Variants in FCHSD2 observed in about 807,000 individuals in gnomAD.
FCHSD2 encodes F-BAR and double SH3 domains protein 2.
FCHSD2 carries 38 observed loss-of-function variants against 108.1 expected under a neutral mutation model. The observed-to-expected ratio is 0.35, with a 90% CI of 0.27 to 0.46. FCHSD2 has a LOEUF of 0.46. Ranked by LOEUF, FCHSD2 falls within the 20% of genes least tolerant of loss-of-function variation. The pLI, the probability that FCHSD2 is intolerant of heterozygous loss-of-function variation, is 1.00. For missense variants in FCHSD2, 751 were observed against 897.8 expected (o/e 0.84, Z 2.09); for synonymous variants, 279 against 314.7 (o/e 0.89, Z 1.20).
intron 8 of FCHSD2, among the ~76,000 whole-genome samples, chr11:72,953,628 GA>G (rs5792607): frequency 2.0e-5 from 3 of 148,786 alleles, no homozygotes; most frequent in African/African-American, 7.3e-5. Context: ...CTGCATGGGG[GA>G]AAAAAAAAAC....
chr11:72,971,376 G>A, intron 8 of FCHSD2, among the ~76,000 whole-genome samples: 1 of 151,940 alleles, frequency 6.6e-6, no homozygotes, highest in African/African-American at 2.4e-5. Flanking sequence ...CCTTTCCTTT[G>A]AGTGTCAGTA....
At position 72,841,545 on chromosome 11, in the gene FCHSD2, T is replaced by TGGAGGCAG; in HGVS notation, c.1957_1964dup (p.Leu656CysfsTer117). ...TGGGAGGCTGGTCGTACAACGGCAG[T>TGGAGGCAG]GGAGGCAGGGAGGCGTGTGGCTTGG... On this transcript the variant is annotated frameshift_variant, in exon 18 of 20. Transcript: ENST00000409418. LOFTEE classifies it high-confidence loss of function. The TGGAGGCAG allele has an allele frequency of 1.2e-6, 2 of 1,610,976 alleles. No individual in the cohort carries two copies. The highest frequency in any genetic ancestry group is 1.7e-6 in the Non-Finnish European group (2 of 1,178,828).
At chr11:73,137,878 G>A (rs1353870364) in intron 2 of FCHSD2, among the ~76,000 whole-genome samples, 1 of 152,242 alleles carries the variant, frequency 6.6e-6, no homozygotes, top group Non-Finnish European at 1.5e-5. Flanking sequence ...TTGCAGCTGG[G>A]TTGCAGAGAA....
rs1160377442 is a variant in FCHSD2, at chr11:73,062,899, C to A, written c.165+20796G>T. Among the ~76,000 whole-genome samples, 4 of 152,246 alleles carry A rather than the reference C, an allele frequency of 2.6e-5. No individual in the cohort carries two copies. The East Asian group carries it at 7.7e-4, about 29-fold the overall frequency. On this transcript the variant is annotated intron_variant, in intron 3 of 19. Coordinates refer to ENST00000409418, the MANE Select transcript of FCHSD2 (RefSeq NM_014824.3). ...ATCCAGGAGAACTTCCCCAACCTAG[C>A]AAGACAGGCCAATATTCAAATTCAG...
intron 18 of FCHSD2, 80 bp from the exon 19 acceptor site, chr11:72,841,039 G>A (rs1860913535): frequency 9.3e-7 from 1 of 1,076,474 alleles, no homozygotes; most frequent in East Asian, 2.4e-5. Flanking sequence ...ATGGTGGCTT[G>A]AGCCTGTAAT....
intron 4 of FCHSD2, among the ~76,000 whole-genome samples, chr11:73,009,538 A>AGTTTAT (rs1309060543): frequency 2.0e-5 from 3 of 152,276 alleles, no homozygotes; most frequent in Admixed American, 2.0e-4. Flanking sequence ...ATATTTATAC[A>AGTTTAT]GTTTATGGGG....
rs561802600 is a variant in FCHSD2, at chr11:72,995,173, C to T, written c.387+5817G>A. 9.9e-5 allele frequency among the ~76,000 whole-genome samples: 15 copies of T among 152,198 alleles called. No individual in the cohort carries two copies. In the East Asian group the frequency reaches 2.7e-3, roughly 27 times the overall value. On this transcript the variant is annotated intron_variant, in intron 5 of 19. Coordinates refer to ENST00000409418, the MANE Select transcript of FCHSD2 (RefSeq NM_014824.3). ...GTGTCAGTACTTCATTCCTTTTTAT[C>T]GCCGAATAGTATTTTGTTACATATA...
At chr11:72,940,983 TG>T in intron 8 of FCHSD2, 1 of 749,572 alleles carries the variant, frequency 1.3e-6, no homozygotes, top group Non-Finnish European at 2.4e-6. Flanking sequence ...GGGAGATGTG[TG>T]GGCTGACATC....
rs1365763727 is a variant in FCHSD2, at chr11:72,889,725, A to C, written c.1041+104T>G. On this transcript the variant is annotated intron_variant, in intron 11 of 19. Transcript: ENST00000409418. ...AAGCCTCTTGTCTCAAATAAAACAA[A>C]ACAACACATATAGGATATTTTTCAC... is the stretch of plus-strand genomic sequence containing the variant. 6 of 685,604 alleles carry C rather than the reference A, an allele frequency of 8.8e-6. No homozygotes were observed. In the Admixed American group the frequency reaches 1.5e-4, roughly 18 times the overall value. The allele number at this position is 685,604 out of a possible 1,614,324, so 42.5% of individuals were successfully genotyped here. A position where few individuals can be genotyped will look rare whatever the true frequency, so the allele number is the denominator to read the frequency against.
intron 2 of FCHSD2, among the ~76,000 whole-genome samples, chr11:73,091,731 C>T (rs1173914462): frequency 6.6e-6 from 1 of 152,020 alleles, no homozygotes; most frequent in African/African-American, 2.4e-5. Flanking sequence ...TGGCCTAACT[C>T]TTCCTCATTC....
chr11:72,906,782 T>C (rs1447011979), intron 9 of FCHSD2, among the ~76,000 whole-genome samples: 1 of 152,220 alleles, frequency 6.6e-6, no homozygotes, highest in Non-Finnish European at 1.5e-5. Context: ...CACTGGTCTA[T>C]GTATCTGTTT....
chr11:73,088,587 T>C (rs564723974), intron 2 of FCHSD2, among the ~76,000 whole-genome samples: 6 of 152,282 alleles, frequency 3.9e-5, no homozygotes, highest in Non-Finnish European at 7.4e-5. Context: ...AGTAAACATA[T>C]AATGTTTGAA....
chr11:73,085,792 T>C (rs772981630), intron 2 of FCHSD2, among the ~76,000 whole-genome samples: 23 of 152,094 alleles, frequency 1.5e-4, no homozygotes, highest in Admixed American at 9.8e-4. Context: ...CTGGTTCAAG[T>C]TGATGTTTAA....
intron 1 of FCHSD2, chr11:73,141,233 G>A (rs1861239776): frequency 6.6e-6 from 1 of 152,596 alleles, no homozygotes; most frequent in East Asian, 1.9e-4. Flanking sequence ...CCCGGGCCCG[G>A]TCCTCGCTTT....
At chr11:72,957,820 T>C (rs1565341507) in intron 8 of FCHSD2, among the ~76,000 whole-genome samples, 1 of 152,100 alleles carries the variant, frequency 6.6e-6, no homozygotes, top group East Asian at 1.9e-4. Flanking sequence ...TATTTATATA[T>C]ACACAAGCAC....
intron 3 of FCHSD2, chr11:73,077,746 A>C (rs1859591579): frequency 3.3e-6 from 1 of 300,586 alleles, no homozygotes; most frequent in Non-Finnish European, 6.6e-6. Context: ...TGCTAAATGA[A>C]GAAGCCAGCT....
At chr11:72,993,360 A>G (rs1330306808) in intron 5 of FCHSD2, among the ~76,000 whole-genome samples, 2 of 152,206 alleles carry the variant, frequency 1.3e-5, no homozygotes, top group African/African-American at 4.8e-5. Flanking sequence ...GCGATTCCTC[A>G]GGGATCTAGA....
chr11:73,043,391 G>A (rs567953165), intron 3 of FCHSD2, among the ~76,000 whole-genome samples: 1 of 152,142 alleles, frequency 6.6e-6, no homozygotes, highest in Non-Finnish European at 1.5e-5. Flanking sequence ...AACCTGTCAA[G>A]TAATGTATAA....
intron 8 of FCHSD2, among the ~76,000 whole-genome samples, chr11:72,923,760 T>C (rs975771268): frequency 7.2e-5 from 11 of 152,066 alleles, no homozygotes; most frequent in African/African-American, 2.7e-4. Flanking sequence ...GCCAAAATGG[T>C]GAAACCCCGT....
Sources: gnomAD v4.1 joint callset for allele counts (sites outside exome capture counted in the v4.1 genomes callset) on GRCh38, gnomAD v4.1.1 for gene constraint, MANE v1.5 for transcripts, NCBI Gene and HGNC (gene_info 2026-07-23, HGNC 2026-07-21) for gene names.